The following ANK2 variants were observed in gnomAD, a reference collection of about 807,000 sequenced individuals.
ANK2 encodes ankyrin 2.
Under a neutral mutation model 360.5 loss-of-function variants are expected in ANK2, and 83 were observed. That is an observed-to-expected ratio of 0.23 (90% CI 0.19 to 0.28). ANK2 has a LOEUF of 0.28. ANK2 is among the 10% of genes least tolerant of loss of function. ANK2 has a pLI of 1.00. For missense variants in ANK2, 4,201 were observed against 4,795.7 expected, an observed-to-expected ratio of 0.88 and a Z score of 3.66; for synonymous variants, 1,740 against 1,759.5, an observed-to-expected ratio of 0.99 and a Z score of 0.28.
the ANK2 span, among the ~76,000 whole-genome samples, chr4:112,763,744 T>G: frequency 6.6e-6 from 1 of 150,612 alleles, no homozygotes; most frequent in South Asian, 2.1e-4. Flanking sequence ...GTGGTCTTGA[T>G]CTCCTGACCT....
intron 35 of ANK2, among the ~76,000 whole-genome samples, chr4:113,347,570 T>C (rs1282596848): frequency 6.6e-6 from 1 of 152,134 alleles, no homozygotes; most frequent in East Asian, 1.9e-4. Context: ...TCAAGACATA[T>C]CAGACACAGC....
intron 45 of ANK2, among the ~76,000 whole-genome samples, chr4:113,376,369 G>C (rs2096934263): frequency 1.3e-5 from 2 of 152,138 alleles, no homozygotes; most frequent in African/African-American, 4.8e-5. Flanking sequence ...AGGTACAGTA[G>C]ATAAACAAAA....
chr4:113,214,796 A>G (rs186356436), intron 4 of ANK2, among the ~76,000 whole-genome samples: 1 of 152,272 alleles, frequency 6.6e-6, no homozygotes, highest in Admixed American at 6.5e-5. Context: ...TTTTCAAATC[A>G]CTGGGAAATT....
At chr4:112,839,812 G>T (rs1379728070) in intron 1 of ANK2, among the ~76,000 whole-genome samples, 2 of 152,114 alleles carry the variant, frequency 1.3e-5, no homozygotes, top group Non-Finnish European at 2.9e-5. Context: ...GAGATTTTTT[G>T]ATTGAAGGAT....
rs2048989677 is a variant in ANK2 at position 112,997,507 on chromosome 4, G to GTGA, written c.21+92996_21+92998dup. On this transcript the variant is annotated intron_variant, in intron 2 of 30. Transcript: ENST00000503271. The stretch of plus-strand genomic sequence containing the variant: ...ACCTTGAAACTTTTCAGATGCAGAG[G>GTGA]TGATGCCTCCACAAAATCCCTTTTG... Among the ~76,000 whole-genome samples the GTGA allele has an allele frequency of 2.6e-5, 4 of 152,154 alleles. No homozygotes were observed. The South Asian group carries it at 8.3e-4, about 32-fold the overall frequency.
chr4:112,970,742 TAGAC>T (rs1243745450), intron 2 of ANK2, among the ~76,000 whole-genome samples: 4 of 152,120 alleles, frequency 2.6e-5, no homozygotes, highest in African/African-American at 4.8e-5. Flanking sequence ...AAATTTCAGT[TAGAC>T]AGATGAAGAA....
At chr4:112,764,797 T>A in the ANK2 span, among the ~76,000 whole-genome samples, 4 of 147,900 alleles carry the variant, frequency 2.7e-5, no homozygotes, top group Admixed American at 2.7e-4. Context: ...AACCTCCACC[T>A]CCGGGGTTCA....
Position 113,358,981 on chromosome 4 carries a change from G to C in ANK2, c.10363G>C (p.Gly3455Arg), listed in dbSNP as rs766996807. Reference sequence around the variant, plus strand: ...CAGAAGCACTACATCTTCCTGCAGGGGGGGCACGAGCCCCACAAAAGAAAG... The same window carrying C: ...CAGAAGCACTACATCTTCCTGCAGGCGGGGCACGAGCCCCACAAAAGAAAG... ...KSRSTTSSCR[G>R]GTSPTKESKE... is the part of the protein sequence containing the mutation. The change falls in exon 38 of 46, where the codon GGG (glycine) becomes CGG (arginine). Residue 3455 changes from glycine (G) to arginine (R), a missense_variant. Physicochemically the swap from Gly to Arg is moderately radical, Grantham distance 125. Around this residue, in one of 4 missense-constraint regions of ANK2, gnomAD observed 2,642 missense variants for 2,714.5 expected, o/e 0.97. Coordinates refer to ENST00000357077, the MANE Select transcript of ANK2 (RefSeq NM_001148.6). 42 of 1,613,960 alleles carry C rather than the reference G, an allele frequency of 2.6e-5. No homozygotes were observed. The highest frequency in any genetic ancestry group is 3.6e-5 in the Non-Finnish European group (42 of 1,179,982).
the ANK2 span, among the ~76,000 whole-genome samples, chr4:112,768,663 A>AAAAC: frequency 2.3e-4 from 35 of 152,194 alleles, no homozygotes; most frequent in Admixed American, 8.5e-4. Context: ...TGCTCTTGAC[A>AAAAC]AAACAAACAA....
intron 5 of ANK2, among the ~76,000 whole-genome samples, chr4:113,235,940 C>A (rs2099371822): frequency 6.7e-6 from 1 of 150,120 alleles, no homozygotes; most frequent in Non-Finnish European, 1.5e-5. Context: ...CTGGGTTTCA[C>A]TGTTAGCCAG....
chr4:112,720,873 T>A, the ANK2 span, among the ~76,000 whole-genome samples: 1 of 152,180 alleles, frequency 6.6e-6, no homozygotes, highest in Non-Finnish European at 1.5e-5. Flanking sequence ...ACATTGGCCA[T>A]GACTATTAGA....
intron 1 of ANK2, among the ~76,000 whole-genome samples, chr4:113,160,996 AC>A (rs1351932845): frequency 6.6e-6 from 1 of 152,168 alleles, no homozygotes; most frequent in Non-Finnish European, 1.5e-5. Flanking sequence ...ATAAAAGACA[AC>A]TAGTAAAGAA....
At chr4:112,977,395 T>C (rs1249200525) in intron 2 of ANK2, among the ~76,000 whole-genome samples, 6 of 152,116 alleles carry the variant, frequency 3.9e-5, no homozygotes, top group Non-Finnish European at 7.4e-5. Context: ...TGTTTTATAT[T>C]AATTTTAAGA....
At chr4:112,810,931 T>C in the ANK2 span, among the ~76,000 whole-genome samples, 1 of 70,302 alleles carries the variant, frequency 1.4e-5, no homozygotes, top group East Asian at 1.1e-3. Context: ...TCTTTCTTTC[T>C]TTTTTTTTTT....
At chr4:112,779,013 C>T in the ANK2 span, among the ~76,000 whole-genome samples, 5 of 152,220 alleles carry the variant, frequency 3.3e-5, no homozygotes, top group East Asian at 9.6e-4. Flanking sequence ...TGAAGTTTGT[C>T]CCTGTGCAAG....
intron 1 of ANK2, among the ~76,000 whole-genome samples, chr4:113,105,819 T>G (rs1175057236): frequency 6.6e-6 from 1 of 152,184 alleles, no homozygotes; most frequent in African/African-American, 2.4e-5. Flanking sequence ...AAGACTAGAT[T>G]TAACTTAATG....
chr4:113,221,531 G>C (rs921766855), intron 4 of ANK2, among the ~76,000 whole-genome samples: 2 of 151,910 alleles, frequency 1.3e-5, no homozygotes, highest in African/African-American at 4.8e-5. Flanking sequence ...TGGTGGCACA[G>C]GCCTGTAATC....
the ANK2 span, chr4:112,788,340 A>G: frequency 3.2e-6 from 5 of 1,547,500 alleles, no homozygotes; most frequent in South Asian, 1.1e-5. Context: ...TTGATAATGC[A>G]CTAAGGGACC....
At chr4:113,079,830 T>G (rs1480369832) in intron 1 of ANK2, among the ~76,000 whole-genome samples, 1 of 152,038 alleles carries the variant, frequency 6.6e-6, no homozygotes, top group Non-Finnish European at 1.5e-5. Context: ...GATACCTAAT[T>G]AAAGATGAAA....
Sources: gnomAD v4.1 joint callset for allele counts (sites outside exome capture counted in the v4.1 genomes callset) on GRCh38, gnomAD v4.1.1 for gene constraint, gnomAD v4.1.1 regional missense constraint, MANE v1.5 for transcripts, NCBI Gene and HGNC (gene_info 2026-07-23, HGNC 2026-07-21) for gene names.